GSE1: variants seen among roughly 807,000 people sequenced by gnomAD.
The protein encoded by GSE1 is genetic suppressor element 1.
In GSE1, 32 loss-of-function variants were observed where a neutral mutation model predicts 112.6. The observed-to-expected ratio is 0.28, with a 90% CI of 0.21 to 0.38. The LOEUF (loss-of-function observed/expected upper bound fraction) is 0.38, where lower values mean the gene tolerates loss of function less well. Among genes scored for constraint, GSE1 ranks in the 10% least tolerant of loss-of-function variants. GSE1 has a pLI of 1.00. For missense variants in GSE1, 2,348 were observed against 1,699.2 expected, an observed-to-expected ratio of 1.38 and a Z score of -6.71; for synonymous variants, 1,115 against 735.6, an observed-to-expected ratio of 1.52 and a Z score of -8.35.
At chr16:85,178,403 C>T (rs2074511959) in intron 1 of GSE1, among the ~76,000 whole-genome samples, 1 of 151,936 alleles carries the variant, frequency 6.6e-6, no homozygotes, top group African/African-American at 2.4e-5. Flanking sequence ...CCAGCATTCC[C>T]GGCGGTGTTT....
At chr16:85,635,218 G>A (rs1344710206) in intron 2 of GSE1, among the ~76,000 whole-genome samples, 1 of 152,150 alleles carries the variant, frequency 6.6e-6, no homozygotes, top group African/African-American at 2.4e-5. Context: ...GGGAGTGTGA[G>A]AGGACACACC....
chr16:85,535,380 T>C (rs2044290275), intron 2 of GSE1, among the ~76,000 whole-genome samples: 1 of 151,506 alleles, frequency 6.6e-6, no homozygotes, highest in African/African-American at 2.4e-5. Context: ...TTCTCCCAGA[T>C]GGGAAACCCT....
chr16:85,479,188 ATTTTTTT>A (rs59825091), intron 2 of GSE1, among the ~76,000 whole-genome samples: 23 of 82,480 alleles, frequency 2.8e-4, no homozygotes, highest in East Asian at 7.4e-4. Flanking sequence ...TGCCCGGCTA[ATTTTTTT>A]TTTTTTTTTT....
At chr16:85,181,991 C>G (rs914635932) in intron 1 of GSE1, among the ~76,000 whole-genome samples, 1 of 152,234 alleles carries the variant, frequency 6.6e-6, no homozygotes, top group East Asian at 1.9e-4. Flanking sequence ...TGTTCTTTCT[C>G]TTGTGCAATT....
intron 1 of GSE1, among the ~76,000 whole-genome samples, chr16:85,186,082 C>G (rs7198356): frequency 0.24 from 37,198 of 152,130 alleles, 4,668 homozygotes; most frequent in South Asian, 0.38. Context: ...TGATACTGTT[C>G]TATGTCCCCC....
At chr16:85,220,616 CCTGCCCGCTG>C (rs144566225) in intron 1 of GSE1, among the ~76,000 whole-genome samples, 35,758 of 151,878 alleles carry the variant, frequency 0.24, 4,459 homozygotes, top group East Asian at 0.48. Flanking sequence ...GCTTCTCGGG[CCTGCCCGCTG>C]CTGCCCGCTG....
chr16:85,286,170 C>T (rs1189481104), intron 1 of GSE1, among the ~76,000 whole-genome samples: 6 of 152,242 alleles, frequency 3.9e-5, no homozygotes, highest in Admixed American at 3.9e-4. Flanking sequence ...TGAACAAGTG[C>T]CAGCAAAGGG....
chr16:85,408,754 T>G (rs1269391174), intron 2 of GSE1, among the ~76,000 whole-genome samples: 1 of 57,010 alleles, frequency 1.8e-5, no homozygotes, highest in Admixed American at 1.5e-4. Context: ...CAGGCCCCCC[T>G]GGATAATCCT....
intron 1 of GSE1, among the ~76,000 whole-genome samples, chr16:85,341,114 C>A (rs1251653488): frequency 6.6e-6 from 1 of 152,208 alleles, no homozygotes; most frequent in Non-Finnish European, 1.5e-5. Context: ...TGAATTGAAA[C>A]CTTCCTGACT....
chr16:85,420,921 G>C (rs1050999611), intron 2 of GSE1, among the ~76,000 whole-genome samples: 1 of 152,172 alleles, frequency 6.6e-6, no homozygotes, highest in Non-Finnish European at 1.5e-5. Context: ...CGCGGTGTGA[G>C]ACCGCGCTGT....
intron 2 of GSE1, among the ~76,000 whole-genome samples, chr16:85,372,111 C>G (rs567655204): frequency 6.6e-6 from 1 of 152,316 alleles, no homozygotes; most frequent in Admixed American, 6.5e-5. Flanking sequence ...CTTCCTCCAT[C>G]ATGGCTGGTT....
chr16:85,244,718 C>T (rs1905448471), intron 1 of GSE1, among the ~76,000 whole-genome samples: 1 of 151,824 alleles, frequency 6.6e-6, no homozygotes, highest in African/African-American at 2.4e-5. Flanking sequence ...GGGCTGGGTG[C>T]AATTGCTCAC....
chr16:85,385,771 A>G (rs2047675096), intron 2 of GSE1, among the ~76,000 whole-genome samples: 1 of 152,272 alleles, frequency 6.6e-6, no homozygotes, highest in East Asian at 1.9e-4. Flanking sequence ...GGGGTCATAG[A>G]TCACTCCCTG....
chr16:85,652,143 T>C (rs1399359966), intron 3 of GSE1, among the ~76,000 whole-genome samples: 1 of 152,176 alleles, frequency 6.6e-6, no homozygotes, highest in African/African-American at 2.4e-5. Context: ...AGCTGTGCCA[T>C]CAACTCTGCT....
chr16:85,381,863 C>T (rs571554661), intron 2 of GSE1, among the ~76,000 whole-genome samples: 1 of 152,336 alleles, frequency 6.6e-6, no homozygotes, highest in East Asian at 1.9e-4. Flanking sequence ...GAGGGGCAGC[C>T]TCTCCCTGTC....
chr16:85,347,675 C>T (rs911454489), intron 1 of GSE1, among the ~76,000 whole-genome samples: 1 of 148,352 alleles, frequency 6.7e-6, no homozygotes, highest in Non-Finnish European at 1.5e-5. Context: ...ACACACAGTT[C>T]CTGCCTCACT....
At chr16:85,514,419 T>C (rs2051852146) in intron 2 of GSE1, among the ~76,000 whole-genome samples, 1 of 108,232 alleles carries the variant, frequency 9.2e-6, no homozygotes, top group South Asian at 4.0e-4. Flanking sequence ...GCCCGCATGC[T>C]CTCGAGTCCC....
At chr16:85,238,171 G>T (rs889831961) in intron 1 of GSE1, among the ~76,000 whole-genome samples, 2 of 152,148 alleles carry the variant, frequency 1.3e-5, no homozygotes, top group African/African-American at 4.8e-5. Flanking sequence ...ACCCCGGGAG[G>T]TGGCGTCCTG....
At position 85,655,925 on chromosome 16, in the gene GSE1, C is replaced by T. The variant is rs371429584; in HGVS notation, c.989+8C>T. The T allele has an allele frequency of 4.3e-5, 68 of 1,591,982 alleles. 2 individuals are homozygous for T. Among genetic ancestry groups the T allele is most frequent in the South Asian group, 3.9e-4 (35 of 90,096 alleles). ...TGGCCTCAGCGCGGAGAGGTAAGTG[C>T]GTCTCGAGCCGAGGAGCCCCTCTGC... On this transcript the variant is annotated splice_region_variant and intron_variant, in intron 6 of 15. Coordinates refer to ENST00000253458, the MANE Select transcript of GSE1 (RefSeq NM_014615.5).
Sources: allele counts gnomAD v4.1 joint callset (sites outside exome capture counted in the v4.1 genomes callset), GRCh38; gene constraint gnomAD v4.1.1; transcripts MANE v1.5; gene names NCBI Gene and HGNC (gene_info 2026-07-23, HGNC 2026-07-21).